The following EVC variants were observed in gnomAD, a reference collection of about 807,000 sequenced individuals.
EVC encodes evC complex member EVC.
Under a neutral mutation model 118.9 loss-of-function variants are expected in EVC, and 116 were observed. The ratio of observed to expected loss-of-function variants is 0.98; its 90% CI spans 0.84 to 1.14. The LOEUF is 1.14. EVC is among the 50% of genes most tolerant of loss of function. EVC has a pLI of 0.00. For missense variants in EVC, 1,401 were observed against 1,246.4 expected (o/e 1.12, Z -1.87); for synonymous variants, 619 against 534.7 (o/e 1.16, Z -2.18).
At chr4:5,729,206 G>C (rs1280834796) in intron 2 of EVC, 101 bp from the exon 3 acceptor site, 17 of 1,041,276 alleles carry the variant, frequency 1.6e-5, no homozygotes, top group Middle Eastern at 2.0e-4. Flanking sequence ...CCCTTTCTGA[G>C]GCTGCTATTA....
intron 2 of EVC, among the ~76,000 whole-genome samples, chr4:5,726,568 C>CTTTT (rs34483285): frequency 0.055 from 7,431 of 134,422 alleles, 492 homozygotes; most frequent in African/African-American, 0.15. Flanking sequence ...CTTCTCTTTT[C>CTTTT]TTTTTTTTTT....
Position 5,798,517 on chromosome 4 carries a change from C to G in EVC, c.2098-69C>G. ...GCCCTGGATAGGACCAGCCCCACATCCCAGTCCTGGCCAGAGCTTCTCTGT... is the reference window on the plus strand; with the variant it reads ...GCCCTGGATAGGACCAGCCCCACATGCCAGTCCTGGCCAGAGCTTCTCTGT... On this transcript the variant is annotated intron_variant, in intron 14 of 20. Coordinates refer to ENST00000264956, the MANE Select transcript of EVC (RefSeq NM_153717.3). This position sits in a 1 kb window ranked among gnomAD's most constrained non-coding sequence, Gnocchi z 4.1. 6.7e-7 allele frequency: 1 copy of G among 1,485,526 alleles called. No homozygotes were observed. The highest frequency in any genetic ancestry group is 9.2e-7 in the Non-Finnish European group (1 of 1,089,022). The allele number at this position is 1,485,526 out of a possible 1,614,324, so 92.0% of individuals were successfully genotyped here. A position where few individuals can be genotyped will look rare whatever the true frequency, so the allele number is the denominator to read the frequency against.
intron 11 of EVC, among the ~76,000 whole-genome samples, chr4:5,776,919 G>A (rs1355212978): frequency 1.3e-5 from 2 of 152,070 alleles, no homozygotes; most frequent in Admixed American, 1.3e-4. Context: ...GTTTAAGAGT[G>A]GCTTTTAGCT....
chr4:5,734,095 C>G (rs908416017), intron 5 of EVC, among the ~76,000 whole-genome samples: 6 of 152,304 alleles, frequency 3.9e-5, no homozygotes, highest in Non-Finnish European at 8.8e-5. Context: ...AGCCACGGAC[C>G]TGAGCTATGG....
the EVC span, among the ~76,000 whole-genome samples, chr4:5,819,664 G>A: frequency 6.6e-6 from 1 of 152,200 alleles, no homozygotes; most frequent in Admixed American, 6.5e-5. Flanking sequence ...AGGAGGCCAG[G>A]CCCAGAGAAC....
At chr4:5,801,444 C>T (rs1006491177) in intron 15 of EVC, among the ~76,000 whole-genome samples, 2 of 151,968 alleles carry the variant, frequency 1.3e-5, no homozygotes, top group South Asian at 2.1e-4. Context: ...TTTGGGAGGC[C>T]GAGGTGGGCA....
chr4:5,759,580 T>C (rs1476129020), intron 11 of EVC, among the ~76,000 whole-genome samples: 1 of 152,184 alleles, frequency 6.6e-6, no homozygotes, highest in African/African-American at 2.4e-5. Context: ...CCATCCTCTC[T>C]AAAGCAGTTC....
At chr4:5,806,296 G>A (rs2335439) in intron 17 of EVC, among the ~76,000 whole-genome samples, 66,081 of 151,134 alleles carry the variant, frequency 0.44, 14,669 homozygotes, top group Non-Finnish European at 0.47. Context: ...TGGCCAGGCC[G>A]GTCTCAAACT....
At chr4:5,770,300 A>G (rs978068462) in intron 11 of EVC, among the ~76,000 whole-genome samples, 1 of 152,152 alleles carries the variant, frequency 6.6e-6, no homozygotes, top group Non-Finnish European at 1.5e-5. Flanking sequence ...CTGAGACCAC[A>G]TGCCCTAAGG....
In EVC at chr4:5,753,897, G is replaced by C. The variant is rs571637567; in HGVS notation, c.1428G>C (p.Glu476Asp). ...QEEEQRSFLA[E>D]AQPTADPEKF... ...AGGAACAGAGAAGCTTCCTGGCTGA[G>C]GCCCAGCCGACTGCTGACCCGGAAA... Residue 476 changes from glutamate (E) to aspartate (D), a missense_variant, in exon 10 of 21, where the codon GAG becomes GAC. Transcript: ENST00000264956. 6.8e-4 allele frequency: 1,101 copies of C among 1,613,710 alleles called. 21 individuals carry two copies. The South Asian group carries it at 0.012, about 17-fold the overall frequency.
downstream of EVC, among the ~76,000 whole-genome samples, chr4:5,818,182 C>T (rs1380982765): frequency 1.3e-5 from 2 of 151,976 alleles, no homozygotes; most frequent in Non-Finnish European, 2.9e-5. Flanking sequence ...ACTTGGTTCT[C>T]ATTCTCTCTC....
At chr4:5,776,084 T>G (rs1179750680) in intron 11 of EVC, among the ~76,000 whole-genome samples, 1 of 152,106 alleles carries the variant, frequency 6.6e-6, no homozygotes, top group Non-Finnish European at 1.5e-5. Flanking sequence ...AGTGTGTTTC[T>G]CATGCATAGA....
intron 13 of EVC, among the ~76,000 whole-genome samples, chr4:5,795,327 T>A (rs535387051): frequency 7.9e-5 from 12 of 152,156 alleles, no homozygotes; most frequent in Non-Finnish European, 1.6e-4. Flanking sequence ...GGTGTCTAGC[T>A]ATGGAATTGG....
chr4:5,759,900 G>A (rs1731747088), intron 11 of EVC, among the ~76,000 whole-genome samples: 1 of 152,202 alleles, frequency 6.6e-6, no homozygotes, highest in Non-Finnish European at 1.5e-5. Context: ...ACATTTTAGG[G>A]AGACAGGAGA....
At chr4:5,730,896 G>C (rs1418329261) in intron 3 of EVC, among the ~76,000 whole-genome samples, 8 of 139,774 alleles carry the variant, frequency 5.7e-5, no homozygotes. Flanking sequence ...CCCAGGCTGT[G>C]ACCTCCTGTG....
rs144748530 is a variant in EVC at position 5,729,653 on chromosome 4, C to G, written c.384+263C>G. Among the ~76,000 whole-genome samples, 15 of 152,292 alleles carry G rather than the reference C, an allele frequency of 9.8e-5. No individual in the cohort carries two copies. The East Asian group carries it at 2.7e-3, about 28-fold the overall frequency. On this transcript the variant is annotated intron_variant, in intron 3 of 20. Transcript: ENST00000264956. ...CAGCTCCCTCTCTGCCTTTTTAACA[C>G]TAATACAAACACTGATACCGACTCA...
chr4:5,761,915 A>G (rs150199277), intron 11 of EVC, among the ~76,000 whole-genome samples: 2,353 of 151,128 alleles, frequency 0.016, 106 homozygotes, highest in African/African-American at 0.055. Flanking sequence ...TTTTTTTTTA[A>G]TTATTATTTA....
chr4:5,793,829 G>A, intron 13 of EVC, 112 bp downstream of exon 13: 1 of 793,754 alleles, frequency 1.3e-6, no homozygotes, highest in Non-Finnish European at 2.2e-6. Flanking sequence ...AGCTTCCTTT[G>A]AATGTAAATG....
chr4:5,808,075 C>T (rs1252989440), intron 17 of EVC, 126 bp from the exon 18 acceptor site: 22 of 787,684 alleles, frequency 2.8e-5, no homozygotes, highest in African/African-American at 8.7e-5. Flanking sequence ...ATGGTGCCCC[C>T]GATGGCCAGG....
Sources: gnomAD v4.1 joint callset for allele counts (sites outside exome capture counted in the v4.1 genomes callset) on GRCh38, gnomAD v4.1.1 for gene constraint, Gnocchi (gnomAD v3.1) non-coding constraint, MANE v1.5 for transcripts, NCBI Gene and HGNC (gene_info 2026-07-23, HGNC 2026-07-21) for gene names.